TRPM3: variants seen among roughly 807,000 people sequenced by gnomAD.
TRPM3 encodes transient receptor potential cation channel subfamily M member 3.
In TRPM3, 77 loss-of-function variants were observed where a neutral mutation model predicts 181.2. That is an observed-to-expected ratio of 0.42 (90% CI 0.35 to 0.51). TRPM3 has a LOEUF of 0.51. Ranked by LOEUF, TRPM3 falls within the 20% of genes least tolerant of loss-of-function variation. The pLI is 0.01. For synonymous variants in TRPM3, 745 were observed against 796.4 expected (o/e 0.94, Z 1.09); for missense variants, 1,759 against 2,196.7 (o/e 0.80, Z 3.98).
intron 1 of TRPM3, among the ~76,000 whole-genome samples, chr9:71,300,880 A>G (rs758799243): frequency 1.4e-4 from 21 of 152,284 alleles, no homozygotes; most frequent in Non-Finnish European, 2.5e-4. Flanking sequence ...CTACTGACTC[A>G]TATTCTCAGG....
At chr9:70,739,652 CACCATCTCAATTCACTGCA>C (rs759181973) in intron 8 of TRPM3, among the ~76,000 whole-genome samples, 4 of 151,832 alleles carry the variant, frequency 2.6e-5, no homozygotes, top group Non-Finnish European at 4.4e-5. Flanking sequence ...AGTGCAGTGG[CACCATCTCAATTCACTGCA>C]ACCATCTCAA....
In TRPM3 at chr9:70,616,076, C is replaced by A; in HGVS notation, c.2359-1G>T. The A allele has an allele frequency of 1.3e-6, 2 of 1,575,918 alleles. No homozygotes were observed. The highest frequency in any genetic ancestry group is 1.7e-6 in the Non-Finnish European group (2 of 1,162,626). On this transcript the variant is annotated splice_acceptor_variant, in intron 17 of 25. Transcript: ENST00000677713. LOFTEE classifies it high-confidence loss of function. ...GAGGAAGTAGAATTCCCAGAATTACCTAAAGTAATAATAATGATAATAATA... is the reference window on the plus strand; with the variant it reads ...GAGGAAGTAGAATTCCCAGAATTACATAAAGTAATAATAATGATAATAATA...
intron 6 of TRPM3, among the ~76,000 whole-genome samples, chr9:70,792,519 G>A (rs944206835): frequency 2.0e-5 from 3 of 150,490 alleles, no homozygotes; most frequent in Non-Finnish European, 4.4e-5. Context: ...GAGAGAGAGA[G>A]AATAAAAGAG....
chr9:71,075,575 T>C (rs1657893348), intron 1 of TRPM3, among the ~76,000 whole-genome samples: 1 of 152,188 alleles, frequency 6.6e-6, no homozygotes, highest in Non-Finnish European at 1.5e-5. Context: ...TATACGTCTG[T>C]TGTATCTTTA....
chr9:71,327,238 T>G (rs753355264), intron 1 of TRPM3, among the ~76,000 whole-genome samples: 5 of 152,212 alleles, frequency 3.3e-5, no homozygotes, highest in African/African-American at 4.8e-5. Flanking sequence ...GTTCAAATGT[T>G]ATGGGGAGCA....
chr9:71,337,469 C>T (rs991065652), intron 1 of TRPM3, among the ~76,000 whole-genome samples: 1 of 152,196 alleles, frequency 6.6e-6, no homozygotes, highest in Admixed American at 6.5e-5. Context: ...CGCTTTTACA[C>T]TGTTGGTGGG....
chr9:70,634,130 G>A (rs2066430648), intron 12 of TRPM3, among the ~76,000 whole-genome samples: 1 of 152,042 alleles, frequency 6.6e-6, no homozygotes, highest in African/African-American at 2.4e-5. Context: ...ATAATTTTTT[G>A]ATGGAATCTC....
chr9:71,324,376 C>T (rs373410401), intron 1 of TRPM3, among the ~76,000 whole-genome samples: 63 of 152,082 alleles, frequency 4.1e-4, no homozygotes, highest in African/African-American at 1.3e-3. Flanking sequence ...ATACTCAACA[C>T]CACTAATCAG....
intron 1 of TRPM3, among the ~76,000 whole-genome samples, chr9:71,050,658 T>C (rs919928017): frequency 1.3e-5 from 2 of 152,244 alleles, no homozygotes; most frequent in African/African-American, 2.4e-5. Context: ...AACACACTTC[T>C]GTTTATATAT....
At chr9:71,081,046 A>T (rs1565151402) in intron 1 of TRPM3, among the ~76,000 whole-genome samples, 1 of 152,182 alleles carries the variant, frequency 6.6e-6, no homozygotes, top group African/African-American at 2.4e-5. Context: ...TGTTGGAGGT[A>T]GGACTGTCCC....
At chr9:70,971,477 C>T (rs2097245616) in intron 1 of TRPM3, among the ~76,000 whole-genome samples, 1 of 152,088 alleles carries the variant, frequency 6.6e-6, no homozygotes, top group South Asian at 2.1e-4. Context: ...CCCATCAAAA[C>T]TTGTTGAGAA....
At chr9:71,247,347 C>CT (rs370048996) in intron 1 of TRPM3, among the ~76,000 whole-genome samples, 1,389 of 82,436 alleles carry the variant, frequency 0.017, 21 homozygotes, top group African/African-American at 0.065. Flanking sequence ...GAGTGAGACT[C>CT]TGTCTCAAAA....
At chr9:70,838,569 C>T (rs968284702) in intron 5 of TRPM3, among the ~76,000 whole-genome samples, 2 of 152,100 alleles carry the variant, frequency 1.3e-5, no homozygotes, top group Non-Finnish European at 2.9e-5. Flanking sequence ...GCTGTGGTAA[C>T]ATTACAATCA....
intron 1 of TRPM3, among the ~76,000 whole-genome samples, chr9:71,182,783 T>C (rs1400859135): frequency 6.6e-6 from 1 of 152,104 alleles, no homozygotes; most frequent in Non-Finnish European, 1.5e-5. Context: ...TGCCTCAGCC[T>C]CCTGAGTAGC....
upstream of TRPM3, among the ~76,000 whole-genome samples, chr9:71,121,967 G>A (rs1212856436): frequency 1.3e-5 from 2 of 152,134 alleles, no homozygotes; most frequent in African/African-American, 2.4e-5. Flanking sequence ...TTTATTAACC[G>A]TGATTGACAG....
At chr9:70,754,480 T>C (rs1379624940) in intron 8 of TRPM3, among the ~76,000 whole-genome samples, 1 of 152,194 alleles carries the variant, frequency 6.6e-6, no homozygotes, top group Non-Finnish European at 1.5e-5. Context: ...GTGAATTACT[T>C]CAAGATCTAT....
At position 70,553,085 on chromosome 9, in the gene TRPM3, T is replaced by C. The variant is rs201366597; in HGVS notation, c.3375-42A>G. 18 of 1,613,424 alleles carry C rather than the reference T, an allele frequency of 1.1e-5. No individual in the cohort carries two copies. The East Asian group carries it at 3.8e-4, about 34-fold the overall frequency. ...AGAGAATCAAGTGAGAAAAACCCAC[T>C]GTTTTCTGAAGCATCGACTCCCCTT... On this transcript the variant is annotated intron_variant, in intron 23 of 25. Transcript: ENST00000677713.
intron 8 of TRPM3, among the ~76,000 whole-genome samples, chr9:70,746,838 G>A (rs1015510396): frequency 3.9e-5 from 6 of 152,098 alleles, no homozygotes; most frequent in African/African-American, 1.4e-4. Context: ...TGAAGGCAGA[G>A]TTGGAATCCA....
At chr9:71,196,167 ATGTGTGTGTGTGTG>A (rs71507026) in intron 1 of TRPM3, among the ~76,000 whole-genome samples, 2 of 149,340 alleles carry the variant, frequency 1.3e-5, no homozygotes, top group Admixed American at 6.7e-5. Flanking sequence ...ACACACGTAT[ATGTGTGTGTGTGTG>A]TGTGTGTGTG....
Sources: allele counts gnomAD v4.1 joint callset (sites outside exome capture counted in the v4.1 genomes callset), GRCh38; gene constraint gnomAD v4.1.1; transcripts MANE v1.5; gene names NCBI Gene and HGNC (gene_info 2026-07-23, HGNC 2026-07-21).